The following PIK3CG variants were observed in gnomAD, a reference collection of about 807,000 sequenced individuals.
PIK3CG encodes the protein phosphatidylinositol 4,5-bisphosphate 3-kinase catalytic subunit gamma isoform.
PIK3CG carries 55 observed loss-of-function variants against 102.3 expected under a neutral mutation model. The observed-to-expected ratio is 0.54, with a 90% CI of 0.43 to 0.67. PIK3CG has a LOEUF of 0.67. PIK3CG is among the 30% of genes least tolerant of loss of function. The pLI is 0.00. For synonymous variants in PIK3CG, 552 were observed against 540.0 expected, an observed-to-expected ratio of 1.02 and a Z score of -0.31; for missense variants, 1,258 against 1,391.8, an observed-to-expected ratio of 0.90 and a Z score of 1.53.
rs753892685 is a variant in PIK3CG at position 106,872,922 on chromosome 7, T to C, written c.2271T>C (p.Tyr757=). The C allele has an allele frequency of 1.9e-6, 3 of 1,612,842 alleles. No individual in the cohort carries two copies. The highest frequency in any genetic ancestry group is 2.5e-6 in the Non-Finnish European group (3 of 1,178,786). Residue 757 remains tyrosine, a synonymous_variant, in exon 4 of 11, where the codon TAT becomes TAC. Transcript: ENST00000496166. This position sits in a 1 kb window ranked among gnomAD's most constrained non-coding sequence, Gnocchi z 5.3. ...LDIKSLSAEK[Y]DVSSQVISQL... is the part of the protein sequence containing the mutation. Reference sequence around the variant, plus strand: ...TTAAATCGCTCTCTGCTGAAAAGTATGACGTCAGTTCCCAAGGTACGGTGG... The same window carrying C: ...TTAAATCGCTCTCTGCTGAAAAGTACGACGTCAGTTCCCAAGGTACGGTGG...
Position 106,895,790 on chromosome 7 carries a change from G to A in PIK3CG, c.3031-9319G>A, listed in dbSNP as rs1473486930. Among the ~76,000 whole-genome samples, 5 of 152,174 alleles carry A rather than the reference G, an allele frequency of 3.3e-5. No homozygotes were observed. Among genetic ancestry groups the A allele is most frequent in the Non-Finnish European group, 7.3e-5 (5 of 68,036 alleles). On this transcript the variant is annotated intron_variant, in intron 10 of 10. Coordinates refer to ENST00000496166, the MANE Select transcript of PIK3CG (RefSeq NM_001282426.2). The surrounding 1 kb of genome is among the most constrained non-coding windows in gnomAD (Gnocchi z 5.4). The stretch of plus-strand genomic sequence containing the variant: ...ATCTCACCACAACAACATGAAATGG[G>A]TATCATTCTTATTATTCTTAATCTA...
chr7:106,901,493 G>C (rs1273848988), intron 10 of PIK3CG, among the ~76,000 whole-genome samples: 1 of 151,992 alleles, frequency 6.6e-6, no homozygotes, highest in Non-Finnish European at 1.5e-5. Flanking sequence ...CCTTGGATTG[G>C]GTTTTGCCAT....
chr7:106,875,861 AGTT>A (rs1227853717), intron 5 of PIK3CG, among the ~76,000 whole-genome samples: 4 of 149,176 alleles, frequency 2.7e-5, no homozygotes, highest in African/African-American at 9.9e-5. Flanking sequence ...GATGAGTTCT[AGTT>A]GTTTCACATC....
At chr7:106,865,562 T>C (rs1790250425) in intron 1 of PIK3CG, 136 bp downstream of exon 1, 1 of 152,256 alleles carries the variant, frequency 6.6e-6, no homozygotes, top group Admixed American at 6.5e-5. Flanking sequence ...TTTCATTGTC[T>C]AGTCCAACCT....
In PIK3CG at chr7:106,867,973, G is replaced by C. The variant is rs140339749; in HGVS notation, c.412G>C (p.Val138Leu). The part of the protein sequence containing the change: ...THRSPGQIHL[V>L]QRHPPSEESQ... ...CCGGAGCCCGGGCCAGATCCACCTG[G>C]TGCAGCGGCACCCGCCCTCCGAGGA... is the stretch of plus-strand genomic sequence containing the variant. The change falls in exon 2 of 11, where the codon GTG (valine) becomes CTG (leucine). Residue 138 changes from valine (V) to leucine (L), a missense_variant. Transcript: ENST00000496166. The surrounding 1 kb of genome is among the most constrained non-coding windows in gnomAD (Gnocchi z 5.1). The C allele has an allele frequency of 6.2e-7, 1 of 1,612,358 alleles. No individual in the cohort carries two copies. The highest frequency in any genetic ancestry group is 1.3e-5 in the African/African-American group (1 of 75,034).
At chr7:106,873,370 T>C (rs1462460547) in intron 4 of PIK3CG, among the ~76,000 whole-genome samples, 2 of 152,200 alleles carry the variant, frequency 1.3e-5, no homozygotes, top group East Asian at 3.9e-4. Context: ...GAGTGATATA[T>C]AGAGATACAT....
rs142177460 is a variant in PIK3CG at position 106,907,838 on chromosome 7, GTA to G, written c.*2469_*2470del. Among the ~76,000 whole-genome samples the G allele has an allele frequency of 5.2e-4, 70 of 135,028 alleles. No individual in the cohort carries two copies. The highest frequency in any genetic ancestry group is 3.8e-3 in the Middle Eastern group (1 of 266). The allele number at this position is 135,028 out of a possible 152,430, so 88.6% of individuals were successfully genotyped here. Reference sequence around the variant, plus strand: ...TATATATATATATGTATGTGTGTGTGTATATATATATATATATATCACAGTTG... The same window carrying G: ...TATATATATATATGTATGTGTGTGTGTATATATATATATATATCACAGTTG... On this transcript the variant is annotated 3_prime_UTR_variant, in exon 11 of 11. Transcript: ENST00000496166.
At chr7:106,866,400 A>G (rs849388) in intron 1 of PIK3CG, among the ~76,000 whole-genome samples, 142,256 of 152,254 alleles carry the variant, frequency 0.93, 66,572 homozygotes, top group East Asian at 1. Flanking sequence ...CTATTTATAC[A>G]TAAGTGCTTT....
rs1791085926 is a variant in PIK3CG, at chr7:106,886,227, C to G, written c.2965C>G (p.Pro989Ala). 1 of 1,614,114 alleles carries G rather than the reference C, an allele frequency of 6.2e-7. No homozygotes were observed. Among genetic ancestry groups the G allele is most frequent in the Non-Finnish European group, 8.5e-7 (1 of 1,179,988 alleles). The change falls in exon 10 of 11, where the codon CCT becomes GCT. Residue 989 changes from proline to alanine, a missense_variant. This residue lies in a region of PIK3CG where 426 missense variants were observed against 604.2 expected (regional missense o/e 0.71). Coordinates refer to ENST00000496166, the MANE Select transcript of PIK3CG (RefSeq NM_001282426.2). ...AGAGAGAGTGCCATTTGTGCTAACC[C>G]CTGACTTCCTCTTTGTGATGGGAAC... ...NKERVPFVLT[P>A]DFLFVMGTSG...
Position 106,891,095 on chromosome 7 carries a change from C to T in PIK3CG, c.3030+4803C>T, listed in dbSNP as rs538376681. 1.1e-3 allele frequency among the ~76,000 whole-genome samples: 160 copies of T among 152,362 alleles called. No homozygotes were observed. In the Middle Eastern group the frequency reaches 0.014, roughly 13 times the overall value. ...CTGTGAGCTCTGTGCAGCAGGGCCACATGTGTCCTGTGTCCCTCACAAGGG... is the reference window on the plus strand; with the variant it reads ...CTGTGAGCTCTGTGCAGCAGGGCCATATGTGTCCTGTGTCCCTCACAAGGG... On this transcript the variant is annotated intron_variant, in intron 10 of 10. Coordinates refer to ENST00000496166, the MANE Select transcript of PIK3CG (RefSeq NM_001282426.2). The surrounding 1 kb of genome is among the most constrained non-coding windows in gnomAD (Gnocchi z 4.4).
At position 106,895,283 on chromosome 7, in the gene PIK3CG, G is replaced by A. The variant is rs914918536; in HGVS notation, c.3030+8991G>A. On this transcript the variant is annotated intron_variant, in intron 10 of 10. Transcript: ENST00000496166. This position sits in a 1 kb window ranked among gnomAD's most constrained non-coding sequence, Gnocchi z 5.4. ...AAGGAGAGGCAGCCCTGGCAGAAGG[G>A]AAAATTACAGCCAGTAACTTCTGTG... Among the ~76,000 whole-genome samples the A allele has an allele frequency of 5.9e-5, 9 of 152,194 alleles. No individual in the cohort carries two copies. The highest frequency in any genetic ancestry group is 2.2e-4 in the African/African-American group (9 of 41,444).
rs748296401 is a variant in PIK3CG, at chr7:106,867,661, T to C, written c.100T>C (p.Ser34Pro). Residue 34 changes from serine (S) to proline (P), a missense_variant, in exon 2 of 11, where the codon TCC (serine) becomes CCC (proline). Coordinates refer to ENST00000496166, the MANE Select transcript of PIK3CG (RefSeq NM_001282426.2). This position sits in a 1 kb window ranked among gnomAD's most constrained non-coding sequence, Gnocchi z 5.1. ...GCGCAGTGCTGCGGCCAGCCTGTCC[T>C]CCATGGAGCTCATCCCCATCGAGTT... ...KPRSAAASLS[S>P]MELIPIEFVL... is the part of the protein sequence containing the mutation. 2 of 1,613,382 alleles carry C rather than the reference T, an allele frequency of 1.2e-6. No individual in the cohort carries two copies. The highest frequency in any genetic ancestry group is 2.7e-5 in the African/African-American group (2 of 75,056).
At position 106,884,235 on chromosome 7, in the gene PIK3CG, A is replaced by G. The variant is rs1285550514; in HGVS notation, c.2841A>G (p.Arg947=). ...CCTTTGTTCTTGGAATAGGCGACAG[A>G]CACAATGACAATATTATGATCACCG... ...VATFVLGIGD[R]HNDNIMITET... The change falls in exon 9 of 11, where the codon AGA becomes AGG. Residue 947 remains arginine, a synonymous_variant. Coordinates refer to ENST00000496166, the MANE Select transcript of PIK3CG (RefSeq NM_001282426.2). The surrounding 1 kb of genome is among the most constrained non-coding windows in gnomAD (Gnocchi z 4.2). 6.2e-7 allele frequency: 1 copy of G among 1,613,396 alleles called. No homozygotes were observed. Among genetic ancestry groups the G allele is most frequent in the Non-Finnish European group, 8.5e-7 (1 of 1,179,496 alleles).
At chr7:106,886,039 A>C in intron 9 of PIK3CG, 96 bp from the exon 10 acceptor site, 1 of 1,127,506 alleles carries the variant, frequency 8.9e-7, no homozygotes, top group Non-Finnish European at 1.3e-6. Context: ...AATGCTTTCA[A>C]CACAAGATAG....
chr7:106,896,291 T>C (rs548713018), intron 10 of PIK3CG, among the ~76,000 whole-genome samples: 3 of 152,304 alleles, frequency 2.0e-5, no homozygotes, highest in South Asian at 4.1e-4. Context: ...TTTCCCTCCT[T>C]GAAAATGTTC....
rs939869139 is a variant in PIK3CG, at chr7:106,882,164, A to C, written c.2586A>C (p.Leu862=). ...ESIWETESLD[L]CLLPYGCIST... ...TTTGGGAGACTGAATCTTTGGATCT[A>C]TGCCTCCTGCCATATGGTTGCATTT... Residue 862 remains leucine, a synonymous_variant, in exon 7 of 11, where the codon CTA becomes CTC. Coordinates refer to ENST00000496166, the MANE Select transcript of PIK3CG (RefSeq NM_001282426.2). 1.3e-6 allele frequency: 2 copies of C among 1,580,070 alleles called. No individual in the cohort carries two copies. Among genetic ancestry groups the C allele is most frequent in the Non-Finnish European group, 1.7e-6 (2 of 1,163,078 alleles).
intron 4 of PIK3CG, among the ~76,000 whole-genome samples, chr7:106,873,769 A>G (rs1474793136): frequency 6.6e-6 from 1 of 151,738 alleles, no homozygotes; most frequent in Non-Finnish European, 1.5e-5. Flanking sequence ...CACACACACC[A>G]CCTTCTCTCT....
At chr7:106,870,254 T>C (rs1790486556) in intron 2 of PIK3CG, among the ~76,000 whole-genome samples, 1 of 152,224 alleles carries the variant, frequency 6.6e-6, no homozygotes. Context: ...GGTACAGGAC[T>C]GTATGTATTT....
Position 106,894,507 on chromosome 7 carries a change from GAAAGTGTGCTCTCA to G in PIK3CG, c.3030+8216_3030+8229del. ...ACACACTCCTCTTTTGGATTTACCAGAAAGTGTGCTCTCATGCACTGTTAGGTCTAATAATCAGT... is the reference window on the plus strand; with the variant it reads ...ACACACTCCTCTTTTGGATTTACCAGTGCACTGTTAGGTCTAATAATCAGT... On this transcript the variant is annotated intron_variant, in intron 10 of 10. Coordinates refer to ENST00000496166, the MANE Select transcript of PIK3CG (RefSeq NM_001282426.2). This position sits in a 1 kb window ranked among gnomAD's most constrained non-coding sequence, Gnocchi z 4.4. 1.3e-5 allele frequency among the ~76,000 whole-genome samples: 2 copies of G among 152,202 alleles called. No homozygotes were observed. The highest frequency in any genetic ancestry group is 4.8e-5 in the African/African-American group (2 of 41,456).
Sources: allele counts gnomAD v4.1 joint callset (sites outside exome capture counted in the v4.1 genomes callset), GRCh38; gene constraint gnomAD v4.1.1; regional missense constraint gnomAD v4.1.1; non-coding constraint Gnocchi (gnomAD v3.1); transcripts MANE v1.5; gene names NCBI Gene and HGNC (gene_info 2026-07-23, HGNC 2026-07-21).